The following F13A1 variants were observed in gnomAD, a reference collection of about 807,000 sequenced individuals.
F13A1 encodes the protein FSF, A subunit.
In F13A1, 47 loss-of-function variants were observed where a neutral mutation model predicts 80.1. That is an observed-to-expected ratio of 0.59 (90% CI 0.46 to 0.75). The LOEUF (loss-of-function observed/expected upper bound fraction) is 0.75. Ranked by LOEUF, F13A1 falls within the 30% of genes least tolerant of loss-of-function variation. The pLI is 0.00. For missense variants in F13A1, 817 were observed against 930.4 expected (o/e 0.88, Z 1.59); for synonymous variants, 349 against 344.9 (o/e 1.01, Z -0.13).
At chr6:6,241,354 C>T (rs1757481284) in intron 6 of F13A1, among the ~76,000 whole-genome samples, 1 of 152,060 alleles carries the variant, frequency 6.6e-6, no homozygotes, top group South Asian at 2.1e-4. Flanking sequence ...CAAAGTGACA[C>T]CGAATCATAT....
chr6:6,245,315 C>A (rs77110314), intron 6 of F13A1, among the ~76,000 whole-genome samples: 8,588 of 152,122 alleles, frequency 0.056, 795 homozygotes, highest in African/African-American at 0.2. Flanking sequence ...CTCTGCCTCC[C>A]GGGTTCAAGC....
rs1760265808 is a variant in F13A1, at chr6:6,145,740, T to C, written c.2078A>G (p.Glu693Gly). 6.2e-7 allele frequency: 1 copy of C among 1,614,070 alleles called. No individual in the cohort carries two copies. The highest frequency in any genetic ancestry group is 8.5e-7 in the Non-Finnish European group (1 of 1,180,000). Residue 693 changes from glutamate (E) to glycine (G), a missense_variant, in exon 15 of 15, where the codon GAA becomes GGA. Transcript: ENST00000264870. ...EIRPNSTVQW[E>G]EVCRPWVSGH... ...AGAGACCCAGGGCCGGCACACTTCT[T>C]CCCACTGCACGGTGGAGTTGGGCCG... is the stretch of plus-strand genomic sequence containing the variant.
In F13A1 at chr6:6,318,686, C is replaced by CATA. The variant is rs750373197; in HGVS notation, c.-18-5_-18-4insTAT. 21 of 1,289,556 alleles carry CATA rather than the reference C, an allele frequency of 1.6e-5. No homozygotes were observed. The East Asian group carries it at 2.2e-4, about 13-fold the overall frequency. The allele number at this position is 1,289,556 out of a possible 1,614,324, so 79.9% of individuals were successfully genotyped here. A position where few individuals can be genotyped will look rare whatever the true frequency, so the allele number is the denominator to read the frequency against. Reference sequence around the variant, plus strand: ...ACATTTTTGACTTTACAAGGTCCTTCAGAAAAAAAAAAAAAAGAAGACAAC... The same window carrying CATA: ...ACATTTTTGACTTTACAAGGTCCTTCATAAGAAAAAAAAAAAAAAGAAGACAAC... On this transcript the variant is annotated splice_region_variant and splice_polypyrimidine_tract_variant and intron_variant, in intron 1 of 14. Coordinates refer to ENST00000264870, the MANE Select transcript of F13A1 (RefSeq NM_000129.4).
At chr6:6,196,897 G>A (rs2151082530) in intron 9 of F13A1, among the ~76,000 whole-genome samples, 1 of 152,240 alleles carries the variant, frequency 6.6e-6, no homozygotes, top group Non-Finnish European at 1.5e-5. Context: ...ATACCACAAA[G>A]GGCTGAAGTA....
chr6:6,239,492 T>C lies in F13A1; in HGVS notation c.798+8820A>G, dbSNP rs142526553. Among the ~76,000 whole-genome samples, 28 of 152,294 alleles carry C rather than the reference T, an allele frequency of 1.8e-4. No homozygotes were observed. The East Asian group carries it at 5.2e-3, about 28-fold the overall frequency. ...AATTAAAAAAAATCCTGTAACTAAC[T>C]GTAATGAATAGTATGAAGCATATAA... On this transcript the variant is annotated intron_variant, in intron 6 of 14. Coordinates refer to ENST00000264870, the MANE Select transcript of F13A1 (RefSeq NM_000129.4).
chr6:6,280,319 C>T (rs935383839), intron 3 of F13A1, among the ~76,000 whole-genome samples: 5 of 152,100 alleles, frequency 3.3e-5, no homozygotes, highest in African/African-American at 9.7e-5. Flanking sequence ...ATTCATAATA[C>T]TAATGCCACA....
rs1225322484 is a variant in F13A1 at position 6,294,942 on chromosome 6, T to A, written c.319+10409A>T. The stretch of plus-strand genomic sequence containing the variant: ...CCAGAGTGTGATGTTCCCCTTCCTG[T>A]GTCCATGTGTTCTCATTGTTCAATT... On this transcript the variant is annotated intron_variant, in intron 3 of 14. Transcript: ENST00000264870. Among the ~76,000 whole-genome samples the A allele has an allele frequency of 8.8e-5, 12 of 137,126 alleles. No homozygotes were observed. In the East Asian group the frequency reaches 2.7e-3, roughly 31 times the overall value. The allele number at this position is 137,126 out of a possible 152,430, so 90.0% of individuals were successfully genotyped here.
intron 14 of F13A1, 50 bp from the exon 15 acceptor site, chr6:6,145,822 T>C (rs375528692): frequency 1.9e-6 from 3 of 1,613,188 alleles, no homozygotes; most frequent in Non-Finnish European, 1.7e-6. Flanking sequence ...GCTTTCCACT[T>C]TGATCAGGAA....
At chr6:6,267,746 A>C (rs1416623871) in intron 3 of F13A1, among the ~76,000 whole-genome samples, 2 of 152,144 alleles carry the variant, frequency 1.3e-5, no homozygotes, top group African/African-American at 4.8e-5. Flanking sequence ...GATTTAAAAA[A>C]AAATAAGGGA....
chr6:6,213,123 G>A (rs1026944322), intron 8 of F13A1, among the ~76,000 whole-genome samples: 1 of 152,230 alleles, frequency 6.6e-6, no homozygotes, highest in South Asian at 2.1e-4. Context: ...CTATCCAGGA[G>A]AATTTCCCCA....
At position 6,300,909 on chromosome 6, in the gene F13A1, G is replaced by A. The variant is rs527945369; in HGVS notation, c.319+4442C>T. On this transcript the variant is annotated intron_variant, in intron 3 of 14. Transcript: ENST00000264870. ...TTAGACATTTAGCTGATTGTAAAACGTTAGCTAAAATGGATCTTCTCTTGA... is the reference window on the plus strand; with the variant it reads ...TTAGACATTTAGCTGATTGTAAAACATTAGCTAAAATGGATCTTCTCTTGA... 5.9e-5 allele frequency among the ~76,000 whole-genome samples: 9 copies of A among 151,820 alleles called. No homozygotes were observed. In the South Asian group the frequency reaches 8.3e-4, roughly 14 times the overall value.
intron 9 of F13A1, among the ~76,000 whole-genome samples, chr6:6,196,712 C>T (rs902191473): frequency 6.6e-6 from 1 of 152,170 alleles, no homozygotes; most frequent in Non-Finnish European, 1.5e-5. Flanking sequence ...GAGGTCAGAG[C>T]TGCAGCTGCT....
At position 6,237,561 on chromosome 6, in the gene F13A1, T is replaced by C. The variant is rs76837094; in HGVS notation, c.798+10751A>G. 9.9e-3 allele frequency among the ~76,000 whole-genome samples: 1,508 copies of C among 152,326 alleles called. 25 individuals are homozygous for C. Among genetic ancestry groups the C allele is most frequent in the African/African-American group, 0.033 (1,386 of 41,580 alleles). ...CGCTCCCTGGAATGTCCATCCACAC[T>C]CAAACCTCTTCTTTACCTGGTGCCC... On this transcript the variant is annotated intron_variant, in intron 6 of 14. Transcript: ENST00000264870.
intron 2 of F13A1, among the ~76,000 whole-genome samples, chr6:6,316,759 C>G (rs1044502105): frequency 2.0e-4 from 31 of 152,164 alleles, no homozygotes; most frequent in African/African-American, 7.0e-4. Flanking sequence ...GTGGGTCAGA[C>G]TTGATCACAG....
At chr6:6,161,195 A>G (rs1308297522) in intron 13 of F13A1, among the ~76,000 whole-genome samples, 1 of 152,062 alleles carries the variant, frequency 6.6e-6, no homozygotes, top group Non-Finnish European at 1.5e-5. Context: ...TTCCACAGGG[A>G]ATGCTGCATA....
intron 3 of F13A1, among the ~76,000 whole-genome samples, chr6:6,293,698 A>T (rs1407287528): frequency 6.7e-6 from 1 of 149,872 alleles, no homozygotes; most frequent in Non-Finnish European, 1.5e-5. Flanking sequence ...TTATTTAAAT[A>T]TTTAGAAAGA....
At chr6:6,261,211 C>T (rs565535555) in intron 4 of F13A1, among the ~76,000 whole-genome samples, 1 of 152,332 alleles carries the variant, frequency 6.6e-6, no homozygotes, top group East Asian at 1.9e-4. Context: ...TCATGATCTG[C>T]CTGCCTTGGT....
rs961060696 is a variant in F13A1, at chr6:6,191,448, A to G, written c.1305+4349T>C. Among the ~76,000 whole-genome samples, 4 of 152,176 alleles carry G rather than the reference A, an allele frequency of 2.6e-5. 1 individual carries two copies. The South Asian group carries it at 8.3e-4, about 32-fold the overall frequency. On this transcript the variant is annotated intron_variant, in intron 10 of 14. Transcript: ENST00000264870. ...TGGGCATTGGTGCATGAAATTGGAT[A>G]TTTTTTTCACAACACCACACCCTTG... is the stretch of plus-strand genomic sequence containing the variant.
At chr6:6,242,306 T>A (rs1242969686) in intron 6 of F13A1, among the ~76,000 whole-genome samples, 1 of 152,156 alleles carries the variant, frequency 6.6e-6, no homozygotes, top group Non-Finnish European at 1.5e-5. Flanking sequence ...TGCTAAAGAG[T>A]ACATCGAACA....
Sources: gnomAD v4.1 joint callset for allele counts (sites outside exome capture counted in the v4.1 genomes callset) on GRCh38, gnomAD v4.1.1 for gene constraint, MANE v1.5 for transcripts, NCBI Gene and HGNC (gene_info 2026-07-23, HGNC 2026-07-21) for gene names.